Variants in CMIP observed in about 807,000 individuals in gnomAD.
CMIP encodes the protein c-Maf inducing protein.
Under a neutral mutation model 97.3 loss-of-function variants are expected in CMIP, and 13 were observed. That is an observed-to-expected ratio of 0.13 (90% CI 0.09 to 0.21). The LOEUF is 0.21. Among genes scored for constraint, CMIP ranks in the 10% least tolerant of loss-of-function variants. CMIP has a pLI of 1.00. For missense variants in CMIP, 847 were observed against 1,024.9 expected (o/e 0.83, Z 2.37); for synonymous variants, 538 against 436.3 (o/e 1.23, Z -2.91).
At position 81,705,517 on chromosome 16, in the gene CMIP, C is replaced by T; in HGVS notation, c.2110C>T (p.Arg704Trp). The change falls in exon 19 of 21, where the codon CGG (arginine) becomes TGG (tryptophan). Residue 704 changes from arginine (R) to tryptophan (W), a missense_variant. Physicochemically the swap from Arg to Trp is moderately radical, Grantham distance 101 (BLOSUM62 -3). Coordinates refer to ENST00000537098, the MANE Select transcript of CMIP (RefSeq NM_198390.3). ...WSTQFGDAGL[R>W]LLSEHLTMLQ... ...TCTACAGTTTGGAGACGCTGGCCTT[C>T]GGCTCCTGTCGGAACACCTCACCAT... The T allele has an allele frequency of 6.2e-7, 1 of 1,605,832 alleles. No individual in the cohort carries two copies. The highest frequency in any genetic ancestry group is 8.5e-7 in the Non-Finnish European group (1 of 1,176,762).
At chr16:81,656,439 A>G (rs1362037577) in intron 4 of CMIP, among the ~76,000 whole-genome samples, 1 of 152,210 alleles carries the variant, frequency 6.6e-6, no homozygotes, top group Non-Finnish European at 1.5e-5. Context: ...GGAAATACGA[A>G]TTGGCACCAC....
chr16:81,551,658 A>T (rs1292264666), intron 1 of CMIP, among the ~76,000 whole-genome samples: 1 of 152,108 alleles, frequency 6.6e-6, no homozygotes, highest in Non-Finnish European at 1.5e-5. Flanking sequence ...GGAAGAAGTG[A>T]TTTCATCTCA....
chr16:81,449,690 C>T (rs1433620494), intron 1 of CMIP, among the ~76,000 whole-genome samples: 1 of 149,840 alleles, frequency 6.7e-6, no homozygotes, highest in Non-Finnish European at 1.5e-5. Context: ...CTTTCCATGC[C>T]ATTTGTCATA....
At chr16:81,693,118 C>T (rs1191943364) in intron 11 of CMIP, 40 bp from the exon 12 acceptor site, 9 of 1,580,674 alleles carry the variant, frequency 5.7e-6, no homozygotes, top group Non-Finnish European at 7.8e-6. Flanking sequence ...GTTTCCGACG[C>T]TTCTGTTAAC....
At chr16:81,687,458 C>A (rs534962591) in intron 10 of CMIP, among the ~76,000 whole-genome samples, 4 of 152,134 alleles carry the variant, frequency 2.6e-5, no homozygotes, top group African/African-American at 7.2e-5. Context: ...TGTTTTTCCG[C>A]GGAGTCCCTA....
Position 81,584,861 on chromosome 16 carries a change from C to G in CMIP, c.301-22706C>G, listed in dbSNP as rs144509076. On this transcript the variant is annotated intron_variant, in intron 1 of 20. Transcript: ENST00000537098. ...TTCATGTGGCTGTGGATGAAGCCTG[C>G]TGGGCCTGGATGCCTCCATGAGTCA... Among the ~76,000 whole-genome samples the G allele has an allele frequency of 2.0e-3, 300 of 152,308 alleles. 2 individuals carry two copies. The highest frequency in any genetic ancestry group is 6.7e-3 in the African/African-American group (277 of 41,566).
At chr16:81,463,092 C>T (rs1413712990) in intron 1 of CMIP, among the ~76,000 whole-genome samples, 2 of 152,126 alleles carry the variant, frequency 1.3e-5, no homozygotes, top group African/African-American at 4.8e-5. Flanking sequence ...GAGCAGTGGA[C>T]GATGAGTGCA....
intron 3 of CMIP, among the ~76,000 whole-genome samples, chr16:81,647,454 A>T (rs1220870352): frequency 6.6e-6 from 1 of 152,130 alleles, no homozygotes; most frequent in Non-Finnish European, 1.5e-5. Flanking sequence ...GCTATAGTTC[A>T]CCAACCCTGC....
At chr16:81,474,471 G>T (rs906938464) in intron 1 of CMIP, among the ~76,000 whole-genome samples, 2 of 152,124 alleles carry the variant, frequency 1.3e-5, no homozygotes, top group Non-Finnish European at 2.9e-5. Context: ...CACTACTTCT[G>T]CTTCATGTGA....
chr16:81,513,431 C>A (rs1363777855), intron 1 of CMIP, among the ~76,000 whole-genome samples: 1 of 152,240 alleles, frequency 6.6e-6, no homozygotes, highest in Non-Finnish European at 1.5e-5. Context: ...GGACTGCAAG[C>A]TGATCTGCCA....
At chr16:81,666,024 CAG>C in intron 7 of CMIP, 1 of 152,294 alleles carries the variant, frequency 6.6e-6, no homozygotes, top group East Asian at 1.9e-4. Flanking sequence ...TTTCAGAACA[CAG>C]GGGATAGGGA....
intron 3 of CMIP, among the ~76,000 whole-genome samples, chr16:81,635,604 AT>A (rs1331605732): frequency 5.9e-5 from 9 of 152,200 alleles, no homozygotes; most frequent in Non-Finnish European, 1.3e-4. Flanking sequence ...TGCAAAAGTA[AT>A]TGCAGTTTTT....
At chr16:81,575,423 AG>A (rs1290131974) in intron 1 of CMIP, among the ~76,000 whole-genome samples, 1 of 152,214 alleles carries the variant, frequency 6.6e-6, no homozygotes, top group Non-Finnish European at 1.5e-5. Context: ...GGCTCAGAGC[AG>A]GGGTGACACA....
At chr16:81,689,827 T>G (rs1323963074) in intron 10 of CMIP, among the ~76,000 whole-genome samples, 3 of 152,254 alleles carry the variant, frequency 2.0e-5, no homozygotes, top group Non-Finnish European at 2.9e-5. Context: ...GAATTAATTT[T>G]TGCATAAGGT....
intron 1 of CMIP, among the ~76,000 whole-genome samples, chr16:81,582,810 C>T (rs190555575): frequency 3.3e-5 from 5 of 152,130 alleles, no homozygotes; most frequent in Non-Finnish European, 5.9e-5. Context: ...GAACGGCGAG[C>T]GGAATGCCCA....
In CMIP at chr16:81,456,170, G is replaced by A. The variant is rs117798266; in HGVS notation, c.300+10629G>A. Among the ~76,000 whole-genome samples the A allele has an allele frequency of 4.8e-4, 73 of 152,316 alleles. No individual in the cohort carries two copies. In the East Asian group the frequency reaches 5.4e-3, roughly 11 times the overall value. ...CAGCAGGCTGGTGGCAACTGAGCTC[G>A]GGGAGTCCCAGCAGGGCCAGACAGA... On this transcript the variant is annotated intron_variant, in intron 1 of 20. Coordinates refer to ENST00000537098, the MANE Select transcript of CMIP (RefSeq NM_198390.3).
chr16:81,561,484 G>T (rs1024448550), intron 1 of CMIP, among the ~76,000 whole-genome samples: 2 of 152,188 alleles, frequency 1.3e-5, no homozygotes, highest in Non-Finnish European at 2.9e-5. Context: ...TGCAGCAGGA[G>T]TGAGGCTGGT....
intron 20 of CMIP, among the ~76,000 whole-genome samples, chr16:81,707,575 T>TAGAAGC (rs1234068305): frequency 2.6e-5 from 4 of 151,824 alleles, no homozygotes; most frequent in Non-Finnish European, 5.9e-5. Flanking sequence ...GGAGCAGGAG[T>TAGAAGC]AGAAGCAGGG....
intron 1 of CMIP, among the ~76,000 whole-genome samples, chr16:81,588,600 A>G (rs932940792): frequency 6.6e-6 from 1 of 152,114 alleles, no homozygotes; most frequent in Non-Finnish European, 1.5e-5. Context: ...AGTAATTGCC[A>G]AAACCCAACA....
Sources: gnomAD v4.1 joint callset for allele counts (sites outside exome capture counted in the v4.1 genomes callset) on GRCh38, gnomAD v4.1.1 for gene constraint, MANE v1.5 for transcripts, NCBI Gene and HGNC (gene_info 2026-07-23, HGNC 2026-07-21) for gene names.